The following CTNNA3 variants were observed in gnomAD, a reference collection of about 807,000 sequenced individuals.
CTNNA3 encodes catenin alpha 3.
CTNNA3 carries 76 observed loss-of-function variants against 95.7 expected under a neutral mutation model. The observed-to-expected ratio is 0.79, with a 90% CI of 0.66 to 0.96. CTNNA3 has a LOEUF of 0.96. CTNNA3 is among the 40% of genes least tolerant of loss of function. The pLI, the probability that CTNNA3 is intolerant of heterozygous loss-of-function variation, is 0.00. For missense variants in CTNNA3, 1,191 were observed against 1,089.8 expected (o/e 1.09, Z -1.31); for synonymous variants, 431 against 374.4 (o/e 1.15, Z -1.74).
chr10:66,664,923 C>T (rs1846394989), intron 9 of CTNNA3, among the ~76,000 whole-genome samples: 1 of 149,532 alleles, frequency 6.7e-6, no homozygotes, highest in South Asian at 2.1e-4. Context: ...GAGATCCAGA[C>T]CTTCCTACAA....
chr10:66,014,107 ATT>A (rs5785737), intron 15 of CTNNA3, among the ~76,000 whole-genome samples: 279 of 149,240 alleles, frequency 1.9e-3, no homozygotes, highest in African/African-American at 6.2e-3. Flanking sequence ...TATACGCATA[ATT>A]TTTTTTTTTT....
chr10:66,200,611 C>T (rs942067393), intron 13 of CTNNA3, among the ~76,000 whole-genome samples: 16 of 152,242 alleles, frequency 1.1e-4, no homozygotes, highest in South Asian at 1.0e-3. Context: ...AATTGCACTG[C>T]GAATGTATCC....
intron 5 of CTNNA3, among the ~76,000 whole-genome samples, chr10:67,295,277 C>T (rs924448341): frequency 3.3e-5 from 5 of 152,116 alleles, no homozygotes; most frequent in Admixed American, 1.3e-4. Flanking sequence ...AAAATTCTTT[C>T]TTAAAGGTCT....
At position 65,914,052 on chromosome 10, in the gene CTNNA3, T is replaced by C. The variant is rs2076977634; in HGVS notation, c.*6278A>G. ...CCAGAACTAAAAATAACCATCCTTC[T>C]TGAAAATGCCAAGGAAATAAACTTT... On this transcript the variant is annotated 3_prime_UTR_variant, in exon 18 of 18. Coordinates refer to ENST00000433211, the MANE Select transcript of CTNNA3 (RefSeq NM_013266.4). 1 of 152,184 alleles carries C rather than the reference T, an allele frequency of 6.6e-6. No homozygotes were observed. The highest frequency in any genetic ancestry group is 2.1e-4 in the South Asian group (1 of 4,828). The allele number at this position is 152,184 out of a possible 1,614,324, so 9.4% of individuals were successfully genotyped here. A position where few individuals can be genotyped will look rare whatever the true frequency, so the allele number is the denominator to read the frequency against.
chr10:67,029,678 A>C (rs1212309218), intron 7 of CTNNA3, among the ~76,000 whole-genome samples: 1 of 152,198 alleles, frequency 6.6e-6, no homozygotes, highest in Non-Finnish European at 1.5e-5. Flanking sequence ...AAAAGACTTA[A>C]GTGTGGCTCT....
intron 3 of CTNNA3, among the ~76,000 whole-genome samples, chr10:67,562,949 T>C (rs986277231): frequency 1.3e-5 from 2 of 152,104 alleles, no homozygotes; most frequent in Admixed American, 6.6e-5. Context: ...GAAGGATCTC[T>C]TCAAGGAGAA....
intron 3 of CTNNA3, among the ~76,000 whole-genome samples, chr10:67,564,677 G>GTATGTATATATATATATA (rs1554854250): frequency 1.5e-4 from 9 of 61,334 alleles, no homozygotes; most frequent in African/African-American, 4.5e-4. Flanking sequence ...GTGTGTGTGT[G>GTATGTATATATATATATA]TATATATATA....
At chr10:67,269,005 G>A (rs1470277583) in intron 5 of CTNNA3, among the ~76,000 whole-genome samples, 1 of 152,194 alleles carries the variant, frequency 6.6e-6, no homozygotes, top group Admixed American at 6.5e-5. Flanking sequence ...AATCCAGACA[G>A]AGAATTATCT....
At chr10:67,527,738 A>C (rs1009843757) in intron 4 of CTNNA3, among the ~76,000 whole-genome samples, 1 of 152,250 alleles carries the variant, frequency 6.6e-6, no homozygotes, top group Middle Eastern at 3.2e-3. Flanking sequence ...ATATCTACCA[A>C]GAGGTGGAAG....
At chr10:66,536,431 G>A (rs1037088911) in intron 10 of CTNNA3, among the ~76,000 whole-genome samples, 1 of 147,332 alleles carries the variant, frequency 6.8e-6, no homozygotes, top group East Asian at 2.0e-4. Context: ...GCAATGAGCC[G>A]AGATCACGCC....
At chr10:67,627,744 T>C (rs1839005655) in intron 2 of CTNNA3, among the ~76,000 whole-genome samples, 1 of 152,034 alleles carries the variant, frequency 6.6e-6, no homozygotes, top group African/African-American at 2.4e-5. Context: ...CTAAAAATTA[T>C]AAAATTGTTT....
At chr10:66,130,669 C>T (rs1309032396) in intron 13 of CTNNA3, among the ~76,000 whole-genome samples, 2 of 151,570 alleles carry the variant, frequency 1.3e-5, no homozygotes, top group Non-Finnish European at 2.9e-5. Context: ...ATGGTGAAAC[C>T]CTGTCTCTAC....
chr10:67,015,750 G>C (rs1265440288), intron 7 of CTNNA3, among the ~76,000 whole-genome samples: 1 of 151,352 alleles, frequency 6.6e-6, no homozygotes. Context: ...ATTTTTTTCT[G>C]TTCCCTATTC....
Position 67,751,295 on chromosome 10 carries a change from C to T in CTNNA3, c.-2+12139G>A. 6.3e-6 allele frequency: 6 copies of T among 949,630 alleles called. 1 individual carries two copies. The South Asian group carries it at 7.8e-5, about 12-fold the overall frequency. The allele number at this position is 949,630 out of a possible 1,614,324, so 58.8% of individuals were successfully genotyped here. Reference sequence around the variant, plus strand: ...TTTCTTCGCTGAAGTGTGACATCTCCACTCAAGTCCTATTTTAGCCAAGCT... The same window carrying T: ...TTTCTTCGCTGAAGTGTGACATCTCTACTCAAGTCCTATTTTAGCCAAGCT... On this transcript the variant is annotated intron_variant, in intron 1 of 17. Transcript: ENST00000684154.
chr10:67,597,068 G>T (rs1025953243), intron 3 of CTNNA3, among the ~76,000 whole-genome samples: 4 of 152,214 alleles, frequency 2.6e-5, no homozygotes, highest in Admixed American at 2.6e-4. Flanking sequence ...AATACTTCCA[G>T]TTATATTACA....
intron 7 of CTNNA3, among the ~76,000 whole-genome samples, chr10:67,146,660 G>T (rs1272886069): frequency 6.6e-6 from 1 of 152,150 alleles, no homozygotes; most frequent in East Asian, 1.9e-4. Flanking sequence ...TGCTTGCATA[G>T]GCATCTCTTA....
At chr10:67,349,229 G>T (rs533249192) in intron 5 of CTNNA3, among the ~76,000 whole-genome samples, 1 of 152,266 alleles carries the variant, frequency 6.6e-6, no homozygotes, top group Admixed American at 6.5e-5. Context: ...CTGAGATCAG[G>T]ACTTCAAAGA....
chr10:65,948,929 GTAAC>G (rs1204738726), intron 17 of CTNNA3, among the ~76,000 whole-genome samples: 1 of 152,112 alleles, frequency 6.6e-6, no homozygotes, highest in Non-Finnish European at 1.5e-5. Flanking sequence ...CTCATCTAGA[GTAAC>G]TAATTAATCC....
intron 14 of CTNNA3, chr10:66,098,965 T>G (rs929874939): frequency 1.3e-5 from 2 of 152,340 alleles, no homozygotes; most frequent in Admixed American, 6.5e-5. Context: ...TTACAGACCT[T>G]TACAATGCCT....
Sources: gnomAD v4.1 joint callset for allele counts (sites outside exome capture counted in the v4.1 genomes callset) on GRCh38, gnomAD v4.1.1 for gene constraint, MANE v1.5 for transcripts, NCBI Gene and HGNC (gene_info 2026-07-23, HGNC 2026-07-21) for gene names.